ST6GALNAC5: variants seen among roughly 807,000 people sequenced by gnomAD.
ST6GALNAC5 encodes alpha-N-acetylgalactosaminide alpha-2,6-sialyltransferase 5.
A neutral mutation model predicts 33.6 loss-of-function variants in ST6GALNAC5; 27 were observed. The observed-to-expected ratio is 0.80, with a 90% confidence interval of 0.59 to 1.11. The LOEUF (loss-of-function observed/expected upper bound fraction) is 1.11. ST6GALNAC5 is among the 50% of genes least tolerant of loss of function. The probability of loss-of-function intolerance (pLI) is 0.00; values close to 1 mark genes in which losing one functional copy is unlikely to be tolerated. For missense variants in ST6GALNAC5, 428 were observed against 454.0 expected, an observed-to-expected ratio of 0.94 and a Z score of 0.52; for synonymous variants, 194 against 171.2, an observed-to-expected ratio of 1.13 and a Z score of -1.04.
intron 2 of ST6GALNAC5, among the ~76,000 whole-genome samples, chr1:76,978,377 C>T (rs962911544): frequency 7.9e-5 from 12 of 151,900 alleles, no homozygotes; most frequent in Admixed American, 2.6e-4. Flanking sequence ...TAGAAATACT[C>T]GACAAAATAC....
intron 2 of ST6GALNAC5, among the ~76,000 whole-genome samples, chr1:76,915,328 C>T (rs1028379756): frequency 2.0e-5 from 3 of 152,114 alleles, no homozygotes; most frequent in African/African-American, 7.2e-5. Flanking sequence ...TTTGACCCAG[C>T]CATCCCATTA....
chr1:76,898,535 T>G (rs1241721930), intron 2 of ST6GALNAC5, among the ~76,000 whole-genome samples: 3 of 152,184 alleles, frequency 2.0e-5, no homozygotes, highest in African/African-American at 7.2e-5. Context: ...CCTTTTGACC[T>G]TTTAGGGTCT....
At chr1:76,947,612 C>G (rs1327659857) in intron 2 of ST6GALNAC5, among the ~76,000 whole-genome samples, 1 of 151,876 alleles carries the variant, frequency 6.6e-6, no homozygotes, top group Non-Finnish European at 1.5e-5. Context: ...TGGCATGTGC[C>G]CATTGACCCA....
intron 2 of ST6GALNAC5, among the ~76,000 whole-genome samples, chr1:77,041,987 T>G (rs73005315): frequency 0.044 from 6,626 of 152,292 alleles, 163 homozygotes; most frequent in Middle Eastern, 0.095. Flanking sequence ...TACTGCACTG[T>G]GTTGGCATCA....
intron 2 of ST6GALNAC5, among the ~76,000 whole-genome samples, chr1:77,034,355 G>A (rs1035044928): frequency 2.0e-5 from 3 of 151,798 alleles, no homozygotes; most frequent in Non-Finnish European, 4.4e-5. Context: ...TAACTTCACC[G>A]GTGACTGGAT....
At chr1:76,933,840 T>C (rs1203761557) in intron 2 of ST6GALNAC5, among the ~76,000 whole-genome samples, 4 of 146,752 alleles carry the variant, frequency 2.7e-5, no homozygotes, top group African/African-American at 7.6e-5. Context: ...AGGAAAATCA[T>C]ATCTTTAAAA....
At chr1:77,039,269 A>G (rs1651756964) in intron 2 of ST6GALNAC5, among the ~76,000 whole-genome samples, 1 of 152,200 alleles carries the variant, frequency 6.6e-6, no homozygotes, top group Non-Finnish European at 1.5e-5. Flanking sequence ...TGACCTTGGC[A>G]TCAAGCTCTT....
At chr1:77,029,139 G>A (rs1264428346) in intron 2 of ST6GALNAC5, among the ~76,000 whole-genome samples, 4 of 152,138 alleles carry the variant, frequency 2.6e-5, no homozygotes, top group Admixed American at 1.3e-4. Context: ...AGATCATTAC[G>A]TTGGAGTGAC....
Position 77,067,129 on chromosome 1 carries a change from A to C in ST6GALNAC5, c.*3923A>C, listed in dbSNP as rs1413675991. On this transcript the variant is annotated 3_prime_UTR_variant, in exon 5 of 5. Transcript: ENST00000477717. ...CAGTGGCTCACCCTATCAGAAGGCCACGTCAAAGAGAACTATAATAATAAG... is the reference window on the plus strand; with the variant it reads ...CAGTGGCTCACCCTATCAGAAGGCCCCGTCAAAGAGAACTATAATAATAAG... Among the ~76,000 whole-genome samples, 1 of 150,044 alleles carries C rather than the reference A, an allele frequency of 6.7e-6. No homozygotes were observed.
chr1:76,869,243 C>T (rs117732455), intron 2 of ST6GALNAC5, among the ~76,000 whole-genome samples: 1 of 152,290 alleles, frequency 6.6e-6, no homozygotes, highest in East Asian at 1.9e-4. Flanking sequence ...ATTCTCTCAG[C>T]CCTGGGGAGT....
intron 2 of ST6GALNAC5, among the ~76,000 whole-genome samples, chr1:76,952,329 T>C (rs1647782256): frequency 6.6e-6 from 1 of 152,108 alleles, no homozygotes; most frequent in African/African-American, 2.4e-5. Flanking sequence ...AGTCTATATG[T>C]TGAAGCCCTG....
At chr1:76,945,799 T>C (rs1385199409) in intron 2 of ST6GALNAC5, among the ~76,000 whole-genome samples, 5 of 152,148 alleles carry the variant, frequency 3.3e-5, no homozygotes, top group Non-Finnish European at 5.9e-5. Flanking sequence ...TTAGTCTTAA[T>C]AGAAGTCATG....
chr1:76,993,174 T>C (rs1253274354), intron 2 of ST6GALNAC5, among the ~76,000 whole-genome samples: 3 of 152,228 alleles, frequency 2.0e-5, no homozygotes, highest in Non-Finnish European at 4.4e-5. Flanking sequence ...CCCTCCATGA[T>C]GCCTTTGCGA....
chr1:76,972,434 T>A (rs1570724041), intron 2 of ST6GALNAC5, among the ~76,000 whole-genome samples: 2 of 152,208 alleles, frequency 1.3e-5, no homozygotes, highest in Non-Finnish European at 2.9e-5. Context: ...TTTAAGTAAG[T>A]GATACATACT....
At chr1:76,914,202 A>G (rs2100286031) in intron 2 of ST6GALNAC5, among the ~76,000 whole-genome samples, 1 of 152,296 alleles carries the variant, frequency 6.6e-6, no homozygotes, top group East Asian at 1.9e-4. Context: ...ATACAAACAA[A>G]TGGAAGAACA....
At chr1:77,024,863 G>C (rs1651175785) in intron 2 of ST6GALNAC5, among the ~76,000 whole-genome samples, 1 of 152,178 alleles carries the variant, frequency 6.6e-6, no homozygotes, top group Non-Finnish European at 1.5e-5. Flanking sequence ...TCAGTTCAGG[G>C]ATTTAGAGAA....
Position 77,066,165 on chromosome 1 carries a change from A to C in ST6GALNAC5, c.*2959A>C, listed in dbSNP as rs892589891. Reference sequence around the variant, plus strand: ...GGCAACTAAGTCCCTGTGCTTTGCTAACCCTGGTGTGTACTCCTAAGGGCT... The same window carrying C: ...GGCAACTAAGTCCCTGTGCTTTGCTCACCCTGGTGTGTACTCCTAAGGGCT... On this transcript the variant is annotated 3_prime_UTR_variant, in exon 5 of 5. Transcript: ENST00000477717. Among the ~76,000 whole-genome samples the C allele has an allele frequency of 2.0e-5, 3 of 152,190 alleles. No individual in the cohort carries two copies. The highest frequency in any genetic ancestry group is 4.8e-5 in the African/African-American group (2 of 41,448).
intron 2 of ST6GALNAC5, among the ~76,000 whole-genome samples, chr1:76,948,541 T>C (rs1647612876): frequency 6.7e-6 from 1 of 149,558 alleles, no homozygotes; most frequent in South Asian, 2.1e-4. Flanking sequence ...ATTCTGCACA[T>C]CATTTTCTTC....
At chr1:76,874,754 G>A (rs533602743) in intron 2 of ST6GALNAC5, among the ~76,000 whole-genome samples, 6 of 152,180 alleles carry the variant, frequency 3.9e-5, no homozygotes, top group East Asian at 1.9e-4. Context: ...CAACACCCAC[G>A]AAGACACACC....
Sources: allele counts gnomAD v4.1 joint callset (sites outside exome capture counted in the v4.1 genomes callset), GRCh38; gene constraint gnomAD v4.1.1; transcripts MANE v1.5; gene names NCBI Gene and HGNC (gene_info 2026-07-23, HGNC 2026-07-21).